Variants in STMN4 observed in about 807,000 individuals in gnomAD.
STMN4 encodes stathmin 4, also known as stathmin-4.
Under a neutral mutation model 29.1 loss-of-function variants are expected in STMN4, and 12 were observed. That is an observed-to-expected ratio of 0.41 (90% CI 0.26 to 0.67). The LOEUF (loss-of-function observed/expected upper bound fraction) is 0.67, where lower values mean the gene tolerates loss of function less well. Ranked by LOEUF, STMN4 falls within the 30% of genes least tolerant of loss-of-function variation. STMN4 has a pLI of 0.30. For synonymous variants in STMN4, 114 were observed against 105.3 expected (o/e 1.08, Z -0.51); for missense variants, 181 against 262.8 (o/e 0.69, Z 2.15).
At chr8:27,239,355 T>C (rs1405676786) in intron 6 of STMN4, 1 of 1,489,312 alleles carries the variant, frequency 6.7e-7, no homozygotes, top group Non-Finnish European at 9.0e-7. Context: ...ACTCAGGAAA[T>C]GAGGCCAGCG....
Position 27,241,281 on chromosome 8 carries a change from G to A in STMN4, c.191-19C>T. On this transcript the variant is annotated intron_variant, in intron 4 of 6. Transcript: ENST00000350889. Reference sequence around the variant, plus strand: ...GTGTCTGCTACAGAGGGCAGAGAAGGGGCTGCTCACGTCCTGAAGAATGCA... The same window carrying A: ...GTGTCTGCTACAGAGGGCAGAGAAGAGGCTGCTCACGTCCTGAAGAATGCA... 1.2e-6 allele frequency: 2 copies of A among 1,613,982 alleles called. No homozygotes were observed. The highest frequency in any genetic ancestry group is 1.7e-6 in the Non-Finnish European group (2 of 1,179,992).
In STMN4 at chr8:27,241,085, T is replaced by C. The variant is rs767716211; in HGVS notation, c.368A>G (p.Lys123Arg). ...RRDPSLEEIQ[K>R]KLEAAEERRK... ...TCGCTCCTCAGCCGCTTCTAGTTTCTTCTGGATCTCTTCCAGGGATGGGTC... is the reference window on the plus strand; with the variant it reads ...TCGCTCCTCAGCCGCTTCTAGTTTCCTCTGGATCTCTTCCAGGGATGGGTC... Residue 123 changes from lysine to arginine, a missense_variant, in exon 5 of 7, where the codon AAG becomes AGG. Transcript: ENST00000350889. 1.2e-6 allele frequency: 2 copies of C among 1,614,156 alleles called. No individual in the cohort carries two copies. Among genetic ancestry groups the C allele is most frequent in the Non-Finnish European group, 1.7e-6 (2 of 1,180,010 alleles).
intron 6 of STMN4, among the ~76,000 whole-genome samples, chr8:27,238,824 A>G (rs940840130): frequency 4.6e-5 from 7 of 152,224 alleles, no homozygotes; most frequent in Non-Finnish European, 8.8e-5. Context: ...TGTTGTGAGG[A>G]TAGTGGCGAG....
chr8:27,246,699 A>G lies in STMN4; in HGVS notation c.-78-2898T>C, dbSNP rs201779236. Among the ~76,000 whole-genome samples the G allele has an allele frequency of 6.2e-4, 95 of 152,296 alleles. 4 individuals carry two copies. In the East Asian group the frequency reaches 0.012, roughly 19 times the overall value. ...ATGTGCAGACGGAGGCAGAGATGGGAGTAAGGCAGCCACAAGCCAAGGAAC... is the reference window on the plus strand; with the variant it reads ...ATGTGCAGACGGAGGCAGAGATGGGGGTAAGGCAGCCACAAGCCAAGGAAC... On this transcript the variant is annotated intron_variant, in intron 1 of 6. Coordinates refer to ENST00000350889, the MANE Select transcript of STMN4 (RefSeq NM_030795.4).
At chr8:27,240,896 C>T (rs1399947466) in intron 5 of STMN4, among the ~76,000 whole-genome samples, 158 bp downstream of exon 5, 1 of 152,198 alleles carries the variant, frequency 6.6e-6, no homozygotes, top group Non-Finnish European at 1.5e-5. Flanking sequence ...CTTTGTTTCC[C>T]TCAATGGTGT....
At chr8:27,243,382 A>T (rs984528097) in intron 2 of STMN4, among the ~76,000 whole-genome samples, 1 of 152,166 alleles carries the variant, frequency 6.6e-6, no homozygotes, top group Non-Finnish European at 1.5e-5. Flanking sequence ...TTCCTTTTAC[A>T]GATTTGAAAA....
intron 1 of STMN4, among the ~76,000 whole-genome samples, chr8:27,244,254 A>T (rs78627648): frequency 0.017 from 2,534 of 152,310 alleles, 41 homozygotes; most frequent in Middle Eastern, 0.048. Context: ...GCCAATTCTG[A>T]TATGGGAAGA....
chr8:27,238,584 G>A (rs1801376428), intron 6 of STMN4, among the ~76,000 whole-genome samples: 1 of 152,190 alleles, frequency 6.6e-6, no homozygotes, highest in Non-Finnish European at 1.5e-5. Context: ...CCTAAGTTCT[G>A]CACTCCCTTT....
Position 27,241,665 on chromosome 8 carries a change from C to T in STMN4, c.190+12G>A. 2 of 1,613,274 alleles carry T rather than the reference C, an allele frequency of 1.2e-6. No homozygotes were observed. Among genetic ancestry groups the T allele is most frequent in the Non-Finnish European group, 1.7e-6 (2 of 1,179,188 alleles). Reference sequence around the variant, plus strand: ...CTCGGCCTGCGGAATCCCTCCGCTGCCTCCCTCCTACCCTGAGCTCTTCTT... The same window carrying T: ...CTCGGCCTGCGGAATCCCTCCGCTGTCTCCCTCCTACCCTGAGCTCTTCTT... On this transcript the variant is annotated intron_variant, in intron 4 of 6. Coordinates refer to ENST00000350889, the MANE Select transcript of STMN4 (RefSeq NM_030795.4).
At chr8:27,254,493 C>A (rs966372343) in intron 1 of STMN4, among the ~76,000 whole-genome samples, 19 of 152,240 alleles carry the variant, frequency 1.2e-4, no homozygotes, top group Non-Finnish European at 2.6e-4. Context: ...CCACCCGCCT[C>A]TGACAGCAGG....
chr8:27,237,147 G>A (rs1049370357), intron 6 of STMN4, among the ~76,000 whole-genome samples: 1 of 152,076 alleles, frequency 6.6e-6, no homozygotes, highest in Admixed American at 6.6e-5. Flanking sequence ...CTGCAGCAGG[G>A]GCCCACCTTA....
At chr8:27,255,514 T>G (rs185902233) in intron 1 of STMN4, among the ~76,000 whole-genome samples, 1 of 152,334 alleles carries the variant, frequency 6.6e-6, no homozygotes, top group Non-Finnish European at 1.5e-5. Flanking sequence ...TCCTATTATT[T>G]AAAAGCAAGA....
Position 27,236,732 on chromosome 8 carries a change from C to A in STMN4, c.*114G>T, listed in dbSNP as rs994582742. On this transcript the variant is annotated 3_prime_UTR_variant, in exon 7 of 7. Coordinates refer to ENST00000350889, the MANE Select transcript of STMN4 (RefSeq NM_030795.4). ...AAGCAGAGGAAACGCCCCTTGGCCACCCCCCTCCCCCCAAACCCCAGTGCT... is the reference window on the plus strand; with the variant it reads ...AAGCAGAGGAAACGCCCCTTGGCCAACCCCCTCCCCCCAAACCCCAGTGCT... 9 of 933,894 alleles carry A rather than the reference C, an allele frequency of 9.6e-6. No individual in the cohort carries two copies. Among genetic ancestry groups the A allele is most frequent in the Non-Finnish European group, 1.2e-5 (8 of 658,990 alleles). The allele number at this position is 933,894 out of a possible 1,614,324, so 57.9% of individuals were successfully genotyped here.
In STMN4 at chr8:27,241,035, AG is replaced by A; in HGVS notation, c.399+18del. 1 of 1,604,136 alleles carries A rather than the reference AG, an allele frequency of 6.2e-7. No homozygotes were observed. The highest frequency in any genetic ancestry group is 8.5e-7 in the Non-Finnish European group (1 of 1,174,188). On this transcript the variant is annotated intron_variant, in intron 5 of 6. Coordinates refer to ENST00000350889, the MANE Select transcript of STMN4 (RefSeq NM_030795.4). Reference sequence around the variant, plus strand: ...CCTTTATGCTGAGAGGGAGGAAAGAAGGAAGGGTCAGCATTTACCTTCCTTC... The same window carrying A: ...CCTTTATGCTGAGAGGGAGGAAAGAAGAAGGGTCAGCATTTACCTTCCTTC...
At chr8:27,246,542 A>T (rs1801628636) in intron 1 of STMN4, among the ~76,000 whole-genome samples, 1 of 152,222 alleles carries the variant, frequency 6.6e-6, no homozygotes, top group Admixed American at 6.5e-5. Flanking sequence ...TAACTCCTAC[A>T]ACCTGTGAAT....
At chr8:27,254,398 C>G (rs1259814533) in intron 1 of STMN4, among the ~76,000 whole-genome samples, 1 of 152,172 alleles carries the variant, frequency 6.6e-6, no homozygotes, top group East Asian at 1.9e-4. Context: ...TCCAAACTCT[C>G]GAGTTGCCTA....
chr8:27,256,661 C>A (rs1801950874), intron 1 of STMN4, among the ~76,000 whole-genome samples: 1 of 152,158 alleles, frequency 6.6e-6, no homozygotes, highest in African/African-American at 2.4e-5. Context: ...CATTAATTAT[C>A]CCATTACATG....
chr8:27,246,180 G>C (rs540802003), intron 1 of STMN4, among the ~76,000 whole-genome samples: 110 of 152,302 alleles, frequency 7.2e-4, no homozygotes, highest in African/African-American at 2.6e-3. Flanking sequence ...TGTGGTAAGT[G>C]CTTTCTACAT....
intron 1 of STMN4, among the ~76,000 whole-genome samples, chr8:27,253,875 C>CG (rs1472619446): frequency 6.6e-6 from 1 of 151,976 alleles, no homozygotes; most frequent in African/African-American, 2.4e-5. Context: ...CTCCGCCTCC[C>CG]GGGTTCAAGC....
Sources: allele counts gnomAD v4.1 joint callset (sites outside exome capture counted in the v4.1 genomes callset), GRCh38; gene constraint gnomAD v4.1.1; transcripts MANE v1.5; gene names NCBI Gene and HGNC (gene_info 2026-07-23, HGNC 2026-07-21).